The following PPFIBP1 variants were observed in gnomAD, a reference collection of about 807,000 sequenced individuals.
The protein encoded by PPFIBP1 is liprin-beta-1.
Under a neutral mutation model 137.8 loss-of-function variants are expected in PPFIBP1, and 112 were observed. The ratio of observed to expected loss-of-function variants is 0.81; its 90% CI spans 0.70 to 0.95. The LOEUF is 0.95. Ranked by LOEUF, PPFIBP1 falls within the 40% of genes least tolerant of loss-of-function variation. The pLI, the probability that PPFIBP1 is intolerant of heterozygous loss-of-function variation, is 0.00. For missense variants in PPFIBP1, 1,083 were observed against 1,196.6 expected (o/e 0.91, Z 1.40); for synonymous variants, 378 against 417.3 (o/e 0.91, Z 1.15).
At chr12:27,600,463 A>G (rs968595072) in intron 2 of PPFIBP1, among the ~76,000 whole-genome samples, 5 of 152,050 alleles carry the variant, frequency 3.3e-5, no homozygotes, top group African/African-American at 9.7e-5. Context: ...AGTTAGAAGA[A>G]TACATTAACA....
rs576859704 is a variant in PPFIBP1 at position 27,629,693 on chromosome 12, G to T, written c.-35-3669G>T. 3.3e-5 allele frequency among the ~76,000 whole-genome samples: 5 copies of T among 152,282 alleles called. 1 individual carries two copies. The highest frequency in any genetic ancestry group is 1.2e-4 in the African/African-American group (5 of 41,572). ...AAGAAAGTCTTTTTAGAGACCAGGG[G>T]ATTTTCTAAAGCTTTTTTATTTAGC... is the stretch of plus-strand genomic sequence containing the variant. On this transcript the variant is annotated intron_variant, in intron 2 of 29. Coordinates refer to ENST00000228425, the MANE Select transcript of PPFIBP1 (RefSeq NM_003622.4).
chr12:27,551,604 T>C (rs537182620), intron 1 of PPFIBP1, among the ~76,000 whole-genome samples: 2 of 152,220 alleles, frequency 1.3e-5, no homozygotes, highest in Non-Finnish European at 2.9e-5. Context: ...TCTCTGGAGA[T>C]GAACAGCTGG....
chr12:27,589,283 G>A (rs1321949040), intron 2 of PPFIBP1, among the ~76,000 whole-genome samples: 2 of 151,946 alleles, frequency 1.3e-5, no homozygotes, highest in Non-Finnish European at 2.9e-5. Flanking sequence ...CTTTTGTTTT[G>A]TAAGAGGATT....
At chr12:27,552,797 A>G (rs1354891536) in intron 1 of PPFIBP1, 1 of 152,210 alleles carries the variant, frequency 6.6e-6, no homozygotes, top group Admixed American at 6.5e-5. Context: ...TATTGCATGG[A>G]CAAGTGGGCA....
At chr12:27,688,494 T>A in intron 26 of PPFIBP1, 71 bp downstream of exon 26, 1 of 1,556,368 alleles carries the variant, frequency 6.4e-7, no homozygotes, top group Non-Finnish European at 8.7e-7. Flanking sequence ...ATATTATCAA[T>A]TTTTGCTTAT....
chr12:27,667,330 G>A lies in PPFIBP1; in HGVS notation c.1146+10G>A. On this transcript the variant is annotated intron_variant, in intron 13 of 29. Transcript: ENST00000228425. The stretch of plus-strand genomic sequence containing the variant: ...AAGTGTTCCCGAAGAGGTATTAATA[G>A]ACTTTCAGTATTTCCTTTATGTTGA... 1 of 1,575,714 alleles carries A rather than the reference G, an allele frequency of 6.3e-7. No homozygotes were observed. Among genetic ancestry groups the A allele is most frequent in the Admixed American group, 1.9e-5 (1 of 53,612 alleles).
At chr12:27,561,111 G>C (rs2049126747) in intron 1 of PPFIBP1, among the ~76,000 whole-genome samples, 1 of 152,172 alleles carries the variant, frequency 6.6e-6, no homozygotes, top group Non-Finnish European at 1.5e-5. Context: ...GTGGGGTATA[G>C]GGAGGGAATA....
chr12:27,529,341 C>T (rs1944135843), intron 1 of PPFIBP1, among the ~76,000 whole-genome samples: 1 of 152,218 alleles, frequency 6.6e-6, no homozygotes, highest in Non-Finnish European at 1.5e-5. Context: ...AGAGGTGAAA[C>T]TCCATTTCAC....
chr12:27,612,964 A>ATCATCC (rs2138221182), intron 2 of PPFIBP1, among the ~76,000 whole-genome samples: 1 of 149,864 alleles, frequency 6.7e-6, no homozygotes, highest in African/African-American at 2.5e-5. Flanking sequence ...CATCATCATC[A>ATCATCC]TCATCATCAT....
chr12:27,554,491 C>G (rs1021066029), intron 1 of PPFIBP1, among the ~76,000 whole-genome samples: 1 of 152,124 alleles, frequency 6.6e-6, no homozygotes, highest in African/African-American at 2.4e-5. Flanking sequence ...ATAATCCGTA[C>G]AAACGATGAC....
chr12:27,638,244 T>G (rs2057828314), intron 4 of PPFIBP1, among the ~76,000 whole-genome samples: 1 of 152,174 alleles, frequency 6.6e-6, no homozygotes, highest in Admixed American at 6.5e-5. Context: ...AATAAAAAAT[T>G]AAAATTGATA....
intron 1 of PPFIBP1, among the ~76,000 whole-genome samples, chr12:27,541,397 C>A (rs1277780619): frequency 6.6e-6 from 1 of 151,766 alleles, no homozygotes; most frequent in Non-Finnish European, 1.5e-5. Flanking sequence ...TCCATAGATT[C>A]CTGAAACATC....
intron 1 of PPFIBP1, among the ~76,000 whole-genome samples, chr12:27,554,714 C>G (rs1324378453): frequency 2.0e-5 from 3 of 152,014 alleles, no homozygotes; most frequent in Non-Finnish European, 4.4e-5. Flanking sequence ...AGTTAGTGTC[C>G]AGTTTCTGGA....
intron 1 of PPFIBP1, among the ~76,000 whole-genome samples, chr12:27,577,070 A>C (rs566980037): frequency 2.4e-3 from 359 of 152,202 alleles, no homozygotes; most frequent in African/African-American, 7.9e-3. Context: ...TAGGAGAAAG[A>C]GGAATGGACA....
At position 27,693,018 on chromosome 12, in the gene PPFIBP1, AG is replaced by A; in HGVS notation, c.*137del. On this transcript the variant is annotated 3_prime_UTR_variant, in exon 30 of 30. Transcript: ENST00000228425. ...ACTTCTGCTGTCGAGAAGTTTAAAC[AG>A]AAAGCAGGAGTAATGTGCCGATTCT... The A allele has an allele frequency of 2.2e-6, 3 of 1,370,838 alleles. No individual in the cohort carries two copies. The South Asian group carries it at 4.9e-5, about 22-fold the overall frequency. 84.9% of individuals were successfully genotyped at this position (1,370,838 alleles called of 1,614,324 possible). A position where few individuals can be genotyped will look rare whatever the true frequency, so the allele number is the denominator to read the frequency against.
In PPFIBP1 at chr12:27,681,531, C is replaced by T. The variant is rs775727978; in HGVS notation, c.1896-15C>T. On this transcript the variant is annotated splice_polypyrimidine_tract_variant and intron_variant, in intron 21 of 29. Transcript: ENST00000228425. Reference sequence around the variant, plus strand: ...CTTTGGATTATTTTTCATGCAATTACTCATTTTCCTGTAGTGACTTGGATA... The same window carrying T: ...CTTTGGATTATTTTTCATGCAATTATTCATTTTCCTGTAGTGACTTGGATA... 8.7e-6 allele frequency: 14 copies of T among 1,610,998 alleles called. No individual in the cohort carries two copies. Among genetic ancestry groups the T allele is most frequent in the African/African-American group, 1.3e-5 (1 of 74,866 alleles).
At position 27,635,023 on chromosome 12, in the gene PPFIBP1, G is replaced by C; in HGVS notation, c.178G>C (p.Glu60Gln). Residue 60 changes from glutamate to glutamine, a missense_variant, in exon 4 of 30, where the codon GAG becomes CAG. Physicochemically the swap from Glu to Gln is conservative, Grantham distance 29. Coordinates refer to ENST00000228425, the MANE Select transcript of PPFIBP1 (RefSeq NM_003622.4). ...HLVEDLRGLL[E>Q]MMETDEKEGL... ...TGTGGAAGACCTGCGTGGATTGTTAGAGATGATGGAAACAGATGAGAAAGA... is the reference window on the plus strand; with the variant it reads ...TGTGGAAGACCTGCGTGGATTGTTACAGATGATGGAAACAGATGAGAAAGA... 1.9e-6 allele frequency: 3 copies of C among 1,614,188 alleles called. No homozygotes were observed. Among genetic ancestry groups the C allele is most frequent in the Non-Finnish European group, 2.5e-6 (3 of 1,180,004 alleles).
intron 4 of PPFIBP1, among the ~76,000 whole-genome samples, chr12:27,639,527 A>G (rs925198618): frequency 2.6e-5 from 4 of 152,170 alleles, no homozygotes; most frequent in African/African-American, 7.2e-5. Context: ...GTGTCTGGCT[A>G]TTTGGCAGTT....
intron 1 of PPFIBP1, among the ~76,000 whole-genome samples, chr12:27,577,461 T>A (rs2050667275): frequency 6.6e-6 from 1 of 152,234 alleles, no homozygotes; most frequent in East Asian, 1.9e-4. Context: ...GGAGACACCT[T>A]GCTTTCTCCT....
Sources: allele counts gnomAD v4.1 joint callset (sites outside exome capture counted in the v4.1 genomes callset), GRCh38; gene constraint gnomAD v4.1.1; transcripts MANE v1.5; gene names NCBI Gene and HGNC (gene_info 2026-07-23, HGNC 2026-07-21).